The following CSMD3 variants were observed in gnomAD, a reference collection of about 807,000 sequenced individuals.
CSMD3 encodes CUB and Sushi multiple domains 3, also known as CUB and sushi domain-containing protein 3.
CSMD3 carries 177 observed loss-of-function variants against 435.2 expected under a neutral mutation model. That is an observed-to-expected ratio of 0.41 (90% CI 0.36 to 0.46). The LOEUF (loss-of-function observed/expected upper bound fraction) is 0.46. Among genes scored for constraint, CSMD3 ranks in the 20% least tolerant of loss-of-function variants. The pLI is 0.34. For synonymous variants in CSMD3, 1,656 were observed against 1,520.5 expected, an observed-to-expected ratio of 1.09 and a Z score of -2.07; for missense variants, 4,265 against 4,504.6, an observed-to-expected ratio of 0.95 and a Z score of 1.52.
At chr8:113,215,475 C>G (rs72687650) in intron 3 of CSMD3, among the ~76,000 whole-genome samples, 2,908 of 151,774 alleles carry the variant, frequency 0.019, 49 homozygotes, top group Non-Finnish European at 0.027. Context: ...CTGGAAGTGC[C>G]TTCAAATTAA....
intron 5 of CSMD3, among the ~76,000 whole-genome samples, chr8:113,085,667 T>A (rs1351884769): frequency 6.6e-6 from 1 of 152,160 alleles, no homozygotes; most frequent in East Asian, 1.9e-4. Context: ...TTAAGTGAAA[T>A]GTCACCCATG....
Position 112,247,012 on chromosome 8 carries a change from A to G in CSMD3, c.10222+8T>C. The G allele has an allele frequency of 1.3e-6, 2 of 1,583,884 alleles. No homozygotes were observed. The highest frequency in any genetic ancestry group is 1.7e-6 in the Non-Finnish European group (2 of 1,152,526). On this transcript the variant is annotated splice_region_variant and intron_variant, in intron 64 of 70. Coordinates refer to ENST00000297405, the MANE Select transcript of CSMD3 (RefSeq NM_198123.2). Reference sequence around the variant, plus strand: ...ATGATAGCATTATTTCTTATCCATAATACTTACGTATGCATTCAGGCTGAA... The same window carrying G: ...ATGATAGCATTATTTCTTATCCATAGTACTTACGTATGCATTCAGGCTGAA...
chr8:113,166,212 T>C (rs2092145927), intron 4 of CSMD3, among the ~76,000 whole-genome samples: 1 of 152,020 alleles, frequency 6.6e-6, no homozygotes. Flanking sequence ...TTTTAAAATA[T>C]ATGAGTTTAT....
At chr8:112,884,710 C>A (rs531974288) in intron 10 of CSMD3, among the ~76,000 whole-genome samples, 1 of 150,884 alleles carries the variant, frequency 6.6e-6, no homozygotes, top group African/African-American at 2.4e-5. Context: ...TTAATTTTTG[C>A]TTATCTCCTT....
At chr8:113,092,049 C>A (rs1278484682) in intron 5 of CSMD3, among the ~76,000 whole-genome samples, 1 of 151,950 alleles carries the variant, frequency 6.6e-6, no homozygotes, top group Non-Finnish European at 1.5e-5. Context: ...ATTCAATCAC[C>A]CATTCCCCTG....
chr8:112,239,334 CT>C (rs1813891992), intron 66 of CSMD3, among the ~76,000 whole-genome samples: 1 of 152,048 alleles, frequency 6.6e-6, no homozygotes. Context: ...GTTATCTTTA[CT>C]ACAATGTTGA....
rs1295046390 is a variant in CSMD3 at position 112,314,068 on chromosome 8, A to G, written c.7550-16T>C. On this transcript the variant is annotated splice_polypyrimidine_tract_variant and intron_variant, in intron 48 of 70. Transcript: ENST00000297405. ...ATATTTGGTCCTTTGGGAAGAAAAT[A>G]AAACAATTTAGATAAAGCTAATTAT... is the stretch of plus-strand genomic sequence containing the variant. 3.2e-6 allele frequency: 5 copies of G among 1,580,966 alleles called. No homozygotes were observed. The highest frequency in any genetic ancestry group is 4.3e-6 in the Non-Finnish European group (5 of 1,151,138).
chr8:112,811,961 GGAAA>G (rs2079239877), intron 12 of CSMD3, among the ~76,000 whole-genome samples: 1 of 152,128 alleles, frequency 6.6e-6, no homozygotes, highest in African/African-American at 2.4e-5. Context: ...GGGCTACAGA[GGAAA>G]GAGTCATATT....
rs374312553 is a variant in CSMD3, at chr8:112,247,020, G to C, written c.10222C>G (p.Pro3408Ala). 6.3e-7 allele frequency: 1 copy of C among 1,597,592 alleles called. No individual in the cohort carries two copies. The highest frequency in any genetic ancestry group is 8.6e-7 in the Non-Finnish European group (1 of 1,165,098). ...ATTATTTCTTATCCATAATACTTAC[G>C]TATGCATTCAGGCTGAATCCCACTC... ...TWSGIQPECI[P>A]HSCKQPETPA... Residue 3408 changes from proline to alanine, a missense_variant and splice_region_variant, in exon 64 of 71, where the codon CCC becomes GCC. Around this residue, in one of 3 missense-constraint regions of CSMD3, gnomAD observed 3,255 missense variants for 3,380.2 expected, o/e 0.96. Coordinates refer to ENST00000297405, the MANE Select transcript of CSMD3 (RefSeq NM_198123.2).
chr8:112,318,693 T>C, intron 47 of CSMD3, 144 bp downstream of exon 47: 2 of 630,532 alleles, frequency 3.2e-6, no homozygotes, highest in South Asian at 1.9e-5. Flanking sequence ...CTAAATGAAA[T>C]AGCACATATG....
At chr8:113,247,830 G>T (rs1026121576) in intron 3 of CSMD3, among the ~76,000 whole-genome samples, 1 of 152,000 alleles carries the variant, frequency 6.6e-6, no homozygotes, top group Non-Finnish European at 1.5e-5. Flanking sequence ...ATTTAAGGGG[G>T]AGTGTTACAG....
chr8:112,459,642 T>G (rs901151853), intron 32 of CSMD3, among the ~76,000 whole-genome samples: 2 of 152,134 alleles, frequency 1.3e-5, no homozygotes, highest in Non-Finnish European at 2.9e-5. Context: ...CAAGAACAAT[T>G]AAGCATTTCT....
At chr8:112,515,354 A>G (rs1201119983) in intron 28 of CSMD3, among the ~76,000 whole-genome samples, 2 of 152,122 alleles carry the variant, frequency 1.3e-5, no homozygotes, top group Non-Finnish European at 2.9e-5. Flanking sequence ...TATGCTCTTC[A>G]TGAGATATGT....
intron 28 of CSMD3, among the ~76,000 whole-genome samples, chr8:112,509,986 G>A (rs2130948366): frequency 6.6e-6 from 1 of 152,102 alleles, no homozygotes; most frequent in South Asian, 2.1e-4. Flanking sequence ...CTTTTCCTAG[G>A]TTCCTAAATT....
intron 3 of CSMD3, among the ~76,000 whole-genome samples, chr8:113,195,790 T>TA (rs1259480706): frequency 3.0e-4 from 31 of 103,984 alleles, no homozygotes; most frequent in Admixed American, 9.7e-4. Context: ...TATCCTATAT[T>TA]TTATATATAT....
intron 10 of CSMD3, among the ~76,000 whole-genome samples, chr8:112,888,540 A>G (rs1016736905): frequency 6.6e-6 from 1 of 151,682 alleles, no homozygotes; most frequent in African/African-American, 2.4e-5. Context: ...AAGCCAATAC[A>G]TGCATGTGCC....
chr8:112,239,527 T>C (rs1813914155), intron 66 of CSMD3, among the ~76,000 whole-genome samples: 1 of 152,084 alleles, frequency 6.6e-6, no homozygotes, highest in Non-Finnish European at 1.5e-5. Context: ...TTCTGTTCCT[T>C]TAAAATGTGG....
chr8:112,452,418 T>C (rs1816385069), intron 32 of CSMD3, among the ~76,000 whole-genome samples: 2 of 152,110 alleles, frequency 1.3e-5, no homozygotes, highest in African/African-American at 2.4e-5. Context: ...TTTCTGAAAA[T>C]GTGTACATGT....
chr8:113,295,546 T>C (rs1399232986), intron 2 of CSMD3, among the ~76,000 whole-genome samples: 2 of 152,190 alleles, frequency 1.3e-5, no homozygotes, highest in Admixed American at 1.3e-4. Context: ...GTTAAAAATT[T>C]AGCAATAGGC....
Sources: gnomAD v4.1 joint callset for allele counts (sites outside exome capture counted in the v4.1 genomes callset) on GRCh38, gnomAD v4.1.1 for gene constraint, gnomAD v4.1.1 regional missense constraint, MANE v1.5 for transcripts, NCBI Gene and HGNC (gene_info 2026-07-23, HGNC 2026-07-21) for gene names.